CATSPERB: variants seen among roughly 807,000 people sequenced by gnomAD.
CATSPERB encodes the protein catsper channel auxiliary subunit beta.
CATSPERB carries 93 observed loss-of-function variants against 128.3 expected under a neutral mutation model. The ratio of observed to expected loss-of-function variants is 0.72; its 90% confidence interval spans 0.61 to 0.86. The LOEUF (loss-of-function observed/expected upper bound fraction) is 0.86, where lower values mean the gene tolerates loss of function less well. Among genes scored for constraint, CATSPERB ranks in the 40% least tolerant of loss-of-function variants. CATSPERB has a pLI of 0.00. For missense variants in CATSPERB, 1,153 were observed against 1,329.5 expected, an observed-to-expected ratio of 0.87 and a Z score of 2.06; for synonymous variants, 381 against 448.8, an observed-to-expected ratio of 0.85 and a Z score of 1.91.
At chr14:91,707,502 A>C (rs982845002) in intron 6 of CATSPERB, among the ~76,000 whole-genome samples, 1 of 151,718 alleles carries the variant, frequency 6.6e-6, no homozygotes, top group Non-Finnish European at 1.5e-5. Flanking sequence ...TTTTGGAATA[A>C]GTAAATATAA....
intron 5 of CATSPERB, chr14:91,709,337 TG>T (rs1048590075): frequency 1.1e-4 from 17 of 151,904 alleles, no homozygotes; most frequent in African/African-American, 3.9e-4. Context: ...AGGCCTTCAA[TG>T]GGATTGGTTC....
At chr14:91,613,794 T>A (rs1280695445) in intron 20 of CATSPERB, among the ~76,000 whole-genome samples, 1 of 152,082 alleles carries the variant, frequency 6.6e-6, no homozygotes, top group Non-Finnish European at 1.5e-5. Flanking sequence ...CGCCCTAGAG[T>A]AGCCTTTTGC....
chr14:91,655,919 G>A (rs1894778508), intron 15 of CATSPERB, among the ~76,000 whole-genome samples: 1 of 152,106 alleles, frequency 6.6e-6, no homozygotes, highest in Admixed American at 6.5e-5. Flanking sequence ...CAAAGGTCAA[G>A]GATAAAGAAA....
At chr14:91,699,467 C>T (rs1201402630) in intron 7 of CATSPERB, among the ~76,000 whole-genome samples, 4 of 151,910 alleles carry the variant, frequency 2.6e-5, no homozygotes, top group Admixed American at 6.6e-5. Flanking sequence ...AAAAAGAGCC[C>T]AAATAGCTAA....
At chr14:91,661,523 TCATA>T (rs1894882820) in intron 14 of CATSPERB, among the ~76,000 whole-genome samples, 1 of 44,648 alleles carries the variant, frequency 2.2e-5, no homozygotes, top group African/African-American at 8.3e-5. Flanking sequence ...TCAGATGCTA[TCATA>T]TATATATATA....
chr14:91,668,414 A>G (rs1895026453), intron 14 of CATSPERB, among the ~76,000 whole-genome samples: 1 of 152,176 alleles, frequency 6.6e-6, no homozygotes, highest in Non-Finnish European at 1.5e-5. Flanking sequence ...AAACGCACCA[A>G]TCAGCACTCT....
At chr14:91,630,039 C>T (rs1424439286) in intron 17 of CATSPERB, among the ~76,000 whole-genome samples, 1 of 152,226 alleles carries the variant, frequency 6.6e-6, no homozygotes, top group East Asian at 1.9e-4. Flanking sequence ...ATCCCTTCCA[C>T]TCCATGCCAA....
chr14:91,713,025 T>C (rs1026045181), intron 5 of CATSPERB, among the ~76,000 whole-genome samples: 1 of 152,218 alleles, frequency 6.6e-6, no homozygotes, highest in African/African-American at 2.4e-5. Context: ...ATCTGCTGTA[T>C]ATGAAGCAGG....
intron 11 of CATSPERB, among the ~76,000 whole-genome samples, chr14:91,682,171 C>T (rs1054064328): frequency 6.6e-6 from 1 of 152,134 alleles, no homozygotes; most frequent in African/African-American, 2.4e-5. Flanking sequence ...CATTTCTATA[C>T]CTGGTATGGG....
At chr14:91,650,677 G>GT (rs1236172919) in intron 15 of CATSPERB, among the ~76,000 whole-genome samples, 1 of 113,940 alleles carries the variant, frequency 8.8e-6, no homozygotes, top group African/African-American at 3.5e-5. Context: ...TGTTCTTTCT[G>GT]TTTTTTGTAT....
chr14:91,650,689 TATCCATCCATCC>T (rs56395311), intron 15 of CATSPERB, among the ~76,000 whole-genome samples: 13 of 150,846 alleles, frequency 8.6e-5, no homozygotes, highest in South Asian at 4.2e-4. Flanking sequence ...TTTTTGTATT[TATCCATCCATCC>T]ATCCATCCAC....
chr14:91,584,736 G>A (rs765256180), intron 26 of CATSPERB, among the ~76,000 whole-genome samples: 1 of 152,156 alleles, frequency 6.6e-6, no homozygotes, highest in Non-Finnish European at 1.5e-5. Flanking sequence ...TAAAGATGTT[G>A]TATAACTTTC....
chr14:91,591,805 T>C lies in CATSPERB; in HGVS notation c.2820+87A>G, dbSNP rs1893408837. Reference sequence around the variant, plus strand: ...ATAATAAGACATTATTTCTATGTCTTAGTTTTCATGTTTAACCTAAAGGCA... The same window carrying C: ...ATAATAAGACATTATTTCTATGTCTCAGTTTTCATGTTTAACCTAAAGGCA... On this transcript the variant is annotated intron_variant, in intron 23 of 26. Transcript: ENST00000256343. The C allele has an allele frequency of 3.5e-6, 3 of 861,624 alleles. No homozygotes were observed. In the East Asian group the frequency reaches 7.3e-5, roughly 21 times the overall value. The allele number at this position is 861,624 out of a possible 1,614,324, so 53.4% of individuals were successfully genotyped here.
intron 19 of CATSPERB, among the ~76,000 whole-genome samples, chr14:91,619,861 T>TTGTGTGTGTG (rs55687285): frequency 1.2e-4 from 17 of 139,126 alleles, no homozygotes; most frequent in Admixed American, 5.1e-4. Context: ...TGTAATAAAA[T>TTGTGTGTGTG]TGTGTGTGTG....
At chr14:91,693,513 C>A (rs1895506622) in intron 7 of CATSPERB, 34 bp from the exon 8 acceptor site, 13 of 1,552,618 alleles carry the variant, frequency 8.4e-6, no homozygotes, top group Non-Finnish European at 1.2e-5. Flanking sequence ...TAAAGCCAGG[C>A]AACTTTACAA....
At chr14:91,702,233 C>T (rs143457137) in intron 7 of CATSPERB, among the ~76,000 whole-genome samples, 120 of 151,894 alleles carry the variant, frequency 7.9e-4, no homozygotes, top group African/African-American at 2.6e-3. Flanking sequence ...GGAGGAGGTC[C>T]TGGCTAGGAC....
chr14:91,703,227 A>G (rs1396248027), intron 7 of CATSPERB, among the ~76,000 whole-genome samples: 1 of 152,166 alleles, frequency 6.6e-6, no homozygotes, highest in East Asian at 1.9e-4. Context: ...AAATAATACT[A>G]TTAGTAGTTG....
chr14:91,616,693 T>C (rs1893940925), intron 20 of CATSPERB, among the ~76,000 whole-genome samples: 1 of 151,842 alleles, frequency 6.6e-6, no homozygotes, highest in African/African-American at 2.4e-5. Context: ...AATAAGCCTT[T>C]ATTTCAACTA....
At chr14:91,719,316 C>A in intron 5 of CATSPERB, 102 bp downstream of exon 5, 1 of 776,436 alleles carries the variant, frequency 1.3e-6, no homozygotes, top group South Asian at 2.5e-5. Context: ...GGGGGATTTA[C>A]ATGACATAAC....
Sources: gnomAD v4.1 joint callset for allele counts (sites outside exome capture counted in the v4.1 genomes callset) on GRCh38, gnomAD v4.1.1 for gene constraint, MANE v1.5 for transcripts, NCBI Gene and HGNC (gene_info 2026-07-23, HGNC 2026-07-21) for gene names.